TBC1D25: variants seen among roughly 807,000 people sequenced by gnomAD.
The protein encoded by TBC1D25 is TBC1 domain family member 25.
In TBC1D25, 13 loss-of-function variants were observed where a neutral mutation model predicts 38.8. The observed-to-expected ratio is 0.34, with a 90% CI of 0.22 to 0.53. TBC1D25 has a LOEUF of 0.53. Among genes scored for constraint, TBC1D25 ranks in the 20% least tolerant of loss-of-function variants. The pLI is 0.94. For missense variants in TBC1D25, 372 were observed against 600.0 expected, an observed-to-expected ratio of 0.62 and a Z score of 3.97; for synonymous variants, 225 against 255.6, an observed-to-expected ratio of 0.88 and a Z score of 1.14.
At chrX:48,557,653 A>G (rs1406528896) in intron 3 of TBC1D25, among the ~76,000 whole-genome samples, 3 of 109,422 alleles carry the variant, frequency 2.7e-5, no homozygotes, top group Non-Finnish European at 3.8e-5. Flanking sequence ...CAAAAAAAAA[A>G]AAAAAATTAG....
chrX:48,546,215 A>AAT (rs1556981685), intron 3 of TBC1D25, among the ~76,000 whole-genome samples: 4 of 101,364 alleles, frequency 3.9e-5, no homozygotes, highest in Non-Finnish European at 8.0e-5. Flanking sequence ...TTCATCTCAA[A>AAT]AAAAAAAAAA....
intron 3 of TBC1D25, among the ~76,000 whole-genome samples, chrX:48,552,306 C>T (rs1323006523): frequency 1.9e-5 from 2 of 107,698 alleles, no homozygotes; most frequent in Non-Finnish European, 3.8e-5. Context: ...CCTCCCTCAG[C>T]CTCCCGAGTA....
Position 48,560,664 on chromosome X carries a change from G to A in TBC1D25, c.1756G>A (p.Glu586Lys). The A allele has an allele frequency of 1.7e-6, 2 of 1,211,672 alleles. No individual in the cohort carries two copies. The highest frequency in any genetic ancestry group is 2.2e-6 in the Non-Finnish European group (2 of 895,444). Residue 586 changes from glutamate to lysine, a missense_variant, in exon 6 of 6, where the codon GAG becomes AAG. Glu to Lys is a moderately conservative substitution (Grantham distance 56). Coordinates refer to ENST00000376771, the MANE Select transcript of TBC1D25 (RefSeq NM_002536.4). ...GGCTGTAGGATCCCCCTTGATGCAA[G>A]AGGTAGGCTCCCCGAAAGACCCTGG... The part of the protein sequence containing the change: ...DMAVGSPLMQ[E>K]VGSPKDPGKS...
chrX:48,542,207 C>A (rs1280350327), intron 2 of TBC1D25, among the ~76,000 whole-genome samples: 35 of 91,542 alleles, frequency 3.8e-4, no homozygotes, highest in African/African-American at 1.4e-3. Flanking sequence ...TTGCTCTTGT[C>A]CCCCGGGCTG....
chrX:48,561,135 G>T lies in TBC1D25; in HGVS notation c.*160G>T. ...GCCTAAGTATGTGGAGCTCTGCTTT[G>T]GCACTGCCCCGCAGAGGCCACGCCT... On this transcript the variant is annotated 3_prime_UTR_variant, in exon 6 of 6. Coordinates refer to ENST00000376771, the MANE Select transcript of TBC1D25 (RefSeq NM_002536.4). 1 of 589,490 alleles carries T rather than the reference G, an allele frequency of 1.7e-6. No homozygotes were observed. Among genetic ancestry groups the T allele is most frequent in the Non-Finnish European group, 2.5e-6 (1 of 392,989 alleles). The allele number at this position is 589,490 out of a possible 1,213,427, so 48.6% of individuals were successfully genotyped here. A position where few individuals can be genotyped will look rare whatever the true frequency, so the allele number is the denominator to read the frequency against.
At chrX:48,550,479 A>ATT (rs1369539825) in intron 3 of TBC1D25, among the ~76,000 whole-genome samples, 1 of 101,187 alleles carries the variant, frequency 9.9e-6, no homozygotes. Context: ...TTGTGGTCAA[A>ATT]TTTTTTTTTT....
chrX:48,551,572 C>T (rs1275074502), intron 3 of TBC1D25, among the ~76,000 whole-genome samples: 2 of 109,983 alleles, frequency 1.8e-5, no homozygotes, highest in African/African-American at 3.3e-5. Flanking sequence ...GTGATCCGCC[C>T]GCCTTGCTTC....
rs1556986194 is a variant in TBC1D25 at position 48,560,880 on chromosome X, C to T, written c.1972C>T (p.Arg658Cys). ...DRLVRKHHLG[R>C]VLRRARALFA... ...CCTTGTGCGAAAACACCACCTGGGG[C>T]GCGTCCTGCGCCGGGCTAGGGCTCT... Residue 658 changes from arginine to cysteine, a missense_variant, in exon 6 of 6, where the codon CGC becomes TGC. Physicochemically the swap from Arg to Cys is radical, Grantham distance 180. This residue lies in a region of TBC1D25 where 312 missense variants were observed against 549.3 expected (regional missense o/e 0.57). Transcript: ENST00000376771. The T allele has an allele frequency of 8.3e-6, 10 of 1,211,268 alleles. No individual in the cohort carries two copies. The highest frequency in any genetic ancestry group is 4.4e-5 in the Admixed American group (2 of 45,966).
rs782165211 is a variant in TBC1D25, at chrX:48,562,139, G to A, written c.*1164G>A. 188 of 111,820 alleles carry A rather than the reference G, an allele frequency of 1.7e-3. No homozygotes were observed. Among genetic ancestry groups the A allele is most frequent in the South Asian group, 5.6e-3 (15 of 2,687 alleles). The allele number at this position is 111,820 out of a possible 1,213,427, so 9.2% of individuals were successfully genotyped here. On this transcript the variant is annotated 3_prime_UTR_variant, in exon 6 of 6. Coordinates refer to ENST00000376771, the MANE Select transcript of TBC1D25 (RefSeq NM_002536.4). ...GAAATAACTGGGGTCCTCAGGTCAC[G>A]GTCTAGCCACACCAGCTTCTCCCAA...
chrX:48,543,940 C>A (rs2061862932), intron 2 of TBC1D25, among the ~76,000 whole-genome samples: 1 of 110,676 alleles, frequency 9.0e-6, no homozygotes, highest in Admixed American at 9.6e-5. Flanking sequence ...TGCCTGTTTC[C>A]CTCACACCCT....
chrX:48,555,347 C>A (rs1015687599), intron 3 of TBC1D25, among the ~76,000 whole-genome samples: 3 of 111,424 alleles, frequency 2.7e-5, no homozygotes, highest in Non-Finnish European at 3.8e-5. Flanking sequence ...CCCCTCAGCT[C>A]TATGGGAAAA....
intron 3 of TBC1D25, among the ~76,000 whole-genome samples, chrX:48,554,580 G>A (rs1246062113): frequency 9.5e-6 from 1 of 105,119 alleles, no homozygotes; most frequent in East Asian, 3.0e-4. Context: ...AAAAAAAAAG[G>A]ATAGGGTTGG....
chrX:48,555,932 G>T (rs782503872), intron 3 of TBC1D25, among the ~76,000 whole-genome samples: 1 of 107,999 alleles, frequency 9.3e-6, no homozygotes, highest in African/African-American at 3.4e-5. Flanking sequence ...AGCATATCTC[G>T]CCTCCAGCCA....
At chrX:48,559,116 C>T in intron 4 of TBC1D25, 42 bp from the exon 5 acceptor site, 1 of 1,203,141 alleles carries the variant, frequency 8.3e-7, no homozygotes. Flanking sequence ...GCATCTGCCC[C>T]TAGTCCACAC....
chrX:48,541,022 T>C (rs1556980097), intron 1 of TBC1D25, among the ~76,000 whole-genome samples: 1 of 112,025 alleles, frequency 8.9e-6, no homozygotes, highest in Non-Finnish European at 1.9e-5. Context: ...AGGGTTGCCA[T>C]TGAAGAGATT....
chrX:48,560,551 A>G lies in TBC1D25; in HGVS notation c.1643A>G (p.Asp548Gly). 1 of 1,208,773 alleles carries G rather than the reference A, an allele frequency of 8.3e-7. No homozygotes were observed. The highest frequency in any genetic ancestry group is 1.1e-6 in the Non-Finnish European group (1 of 894,005). Residue 548 changes from aspartate to glycine, a missense_variant, in exon 6 of 6, where the codon GAC becomes GGC. By Grantham distance (94) the Asp-to-Gly change is moderately conservative. Coordinates refer to ENST00000376771, the MANE Select transcript of TBC1D25 (RefSeq NM_002536.4). ...SLSEPLLNSPDPLLSSFSHPD... is the reference protein window; with the variant it reads ...SLSEPLLNSPGPLLSSFSHPD... ...TCTGAGCCTTTATTGAACTCCCCAG[A>G]CCCACTGCTCTCCTCCTTTTCCCAC...
Position 48,560,014 on chromosome X carries a change from A to C in TBC1D25, c.1106A>C (p.Asp369Ala). ...CGCCTGGCCGCCAACTTCCACCCTG[A>C]CGGCCGCGCCATGGCCACCAAGTTT... ...MKRLAANFHP[D>A]GRAMATKFAH... The change falls in exon 6 of 6, where the codon GAC becomes GCC. Residue 369 changes from aspartate to alanine, a missense_variant. Physicochemically the swap from Asp to Ala is moderately radical, Grantham distance 126. Coordinates refer to ENST00000376771, the MANE Select transcript of TBC1D25 (RefSeq NM_002536.4). The C allele has an allele frequency of 8.3e-7, 1 of 1,209,949 alleles. No homozygotes were observed. The highest frequency in any genetic ancestry group is 1.1e-6 in the Non-Finnish European group (1 of 894,687).
chrX:48,560,518 A>G lies in TBC1D25; in HGVS notation c.1610A>G (p.Lys537Arg), dbSNP rs782455949. 5 of 1,210,637 alleles carry G rather than the reference A, an allele frequency of 4.1e-6. No homozygotes were observed. The highest frequency in any genetic ancestry group is 4.4e-5 in the Admixed American group (2 of 45,940). ...LPHPAALISS[K>R]SLSEPLLNSP... ...CACCCAGCTGCCCTTATCAGCTCCA[A>G]GTCCCTCTCTGAGCCTTTATTGAAC... is the stretch of plus-strand genomic sequence containing the variant. Residue 537 changes from lysine to arginine, a missense_variant, in exon 6 of 6, where the codon AAG (lysine) becomes AGG (arginine). Physicochemically the swap from Lys to Arg is conservative, Grantham distance 26. Around this residue, in one of 2 missense-constraint regions of TBC1D25, gnomAD observed 312 missense variants for 549.3 expected, o/e 0.57. Coordinates refer to ENST00000376771, the MANE Select transcript of TBC1D25 (RefSeq NM_002536.4).
At chrX:48,541,109 C>G (rs1416955437) in intron 1 of TBC1D25, among the ~76,000 whole-genome samples, 1 of 111,944 alleles carries the variant, frequency 8.9e-6, no homozygotes, top group East Asian at 2.8e-4. Flanking sequence ...AGGAGCCAGA[C>G]TGGACACGGT....
Sources: allele counts gnomAD v4.1 joint callset (sites outside exome capture counted in the v4.1 genomes callset), GRCh38; gene constraint gnomAD v4.1.1; regional missense constraint gnomAD v4.1.1; transcripts MANE v1.5; gene names NCBI Gene and HGNC (gene_info 2026-07-23, HGNC 2026-07-21).